Variants in ZC3H13 observed in about 807,000 individuals in gnomAD.
The protein encoded by ZC3H13 is zinc finger CCCH-type containing 13, also known as zinc finger CCCH domain-containing protein 13.
A neutral mutation model predicts 204.1 loss-of-function variants in ZC3H13; 64 were observed. The observed-to-expected ratio is 0.31, with a 90% CI of 0.26 to 0.39. The LOEUF is 0.39. Ranked by LOEUF, ZC3H13 falls within the 10% of genes least tolerant of loss-of-function variation. ZC3H13 has a pLI of 1.00. For synonymous variants in ZC3H13, 667 were observed against 693.7 expected, an observed-to-expected ratio of 0.96 and a Z score of 0.60; for missense variants, 1,833 against 2,082.7, an observed-to-expected ratio of 0.88 and a Z score of 2.33.
intron 1 of ZC3H13, among the ~76,000 whole-genome samples, chr13:46,048,463 C>A (rs2044147666): frequency 6.6e-6 from 1 of 151,774 alleles, no homozygotes. Flanking sequence ...CGCCTGTAGT[C>A]CCAGCTACTC....
chr13:46,042,345 A>G (rs1184413027), intron 3 of ZC3H13, 70 bp from the exon 4 acceptor site: 2 of 958,024 alleles, frequency 2.1e-6, no homozygotes, highest in East Asian at 2.7e-5. Flanking sequence ...TTATATATTA[A>G]TAACATTTTA....
chr13:45,960,995 A>C (rs564352768), intron 17 of ZC3H13, among the ~76,000 whole-genome samples: 11 of 152,200 alleles, frequency 7.2e-5, no homozygotes, highest in Non-Finnish European at 8.8e-5. Context: ...AAAAGCCCGA[A>C]ACTAGTTCTC....
chr13:45,987,998 A>C (rs190436978), intron 9 of ZC3H13, among the ~76,000 whole-genome samples: 4 of 152,338 alleles, frequency 2.6e-5, no homozygotes, highest in Non-Finnish European at 5.9e-5. Context: ...TGCTTCGCTT[A>C]CTTCTTTATT....
intron 10 of ZC3H13, 124 bp downstream of exon 10, chr13:45,985,173 T>G (rs1440559637): frequency 1.9e-6 from 2 of 1,054,622 alleles, no homozygotes; most frequent in Non-Finnish European, 2.7e-6. Context: ...AGACTACAAG[T>G]TCAATTAATT....
At position 45,967,803 on chromosome 13, in the gene ZC3H13, C is replaced by T. The variant is rs766882404; in HGVS notation, c.4022G>A (p.Arg1341Gln). The part of the protein sequence containing the change: ...WPRNRDRDRL[R>Q]ERERERERDK... The stretch of plus-strand genomic sequence containing the variant: ...TCGTTCTCTCTCTCGTTCTCGTTCT[C>T]GCAATCTATCTCGATCCCTGTTGCG... Residue 1341 changes from arginine (R) to glutamine (Q), a missense_variant, in exon 15 of 19, where the codon CGA becomes CAA. Physicochemically the swap from Arg to Gln is conservative, Grantham distance 43. This residue lies in a region of ZC3H13 where 1,574 missense variants were observed against 1,757.2 expected (regional missense o/e 0.90). Coordinates refer to ENST00000679008, the MANE Select transcript of ZC3H13 (RefSeq NM_001330564.2). 1.8e-5 allele frequency: 29 copies of T among 1,612,860 alleles called. No homozygotes were observed. The highest frequency in any genetic ancestry group is 5.5e-5 in the South Asian group (5 of 91,006).
At chr13:45,998,776 T>C (rs1593603619) in intron 8 of ZC3H13, among the ~76,000 whole-genome samples, 1 of 152,224 alleles carries the variant, frequency 6.6e-6, no homozygotes, top group African/African-American at 2.4e-5. Flanking sequence ...TTGATGCTGA[T>C]GGCTGTTGAC....
intron 8 of ZC3H13, among the ~76,000 whole-genome samples, chr13:46,002,776 G>A (rs532155091): frequency 6.6e-6 from 1 of 152,264 alleles, no homozygotes; most frequent in African/African-American, 2.4e-5. Context: ...AAGGTGGAAA[G>A]GGGGAGTTAT....
chr13:46,017,308 C>A (rs2041970154), intron 5 of ZC3H13, among the ~76,000 whole-genome samples: 1 of 152,080 alleles, frequency 6.6e-6, no homozygotes, highest in East Asian at 1.9e-4. Context: ...CAGACTATTT[C>A]TATAACACTA....
In ZC3H13 at chr13:45,969,054, G is replaced by C; in HGVS notation, c.3490C>G (p.Arg1164Gly). 1.2e-6 allele frequency: 2 copies of C among 1,614,118 alleles called. No individual in the cohort carries two copies. Among genetic ancestry groups the C allele is most frequent in the Non-Finnish European group, 8.5e-7 (1 of 1,180,014 alleles). Residue 1164 changes from arginine (R) to glycine (G), a missense_variant, in exon 14 of 19, where the codon CGA becomes GGA. Arg to Gly is a moderately radical substitution (Grantham distance 125). This residue lies in a region of ZC3H13 where 1,574 missense variants were observed against 1,757.2 expected (regional missense o/e 0.90). Coordinates refer to ENST00000679008, the MANE Select transcript of ZC3H13 (RefSeq NM_001330564.2). ...EDSHRKCHRTRVEKVETPHVT... is the reference protein window; with the variant it reads ...EDSHRKCHRTGVEKVETPHVT... ...TGAGGCGTCTCTACTTTTTCTACTC[G>C]TGTTCTGTGGCATTTTCTGTGTGAG...
intron 4 of ZC3H13, among the ~76,000 whole-genome samples, chr13:46,032,868 T>C (rs532884314): frequency 6.6e-6 from 1 of 152,162 alleles, no homozygotes; most frequent in East Asian, 1.9e-4. Flanking sequence ...TCTGGTACAG[T>C]GTTAAGTTAA....
rs1247763331 is a variant in ZC3H13, at chr13:45,985,657, C to T, written c.1360G>A (p.Asp454Asn). The change falls in exon 10 of 19, where the codon GAT (aspartate) becomes AAT (asparagine). Residue 454 changes from aspartate (D) to asparagine (N), a missense_variant. Physicochemically the swap from Asp to Asn is conservative, Grantham distance 23. Around this residue, in one of 5 missense-constraint regions of ZC3H13, gnomAD observed 1,574 missense variants for 1,757.2 expected, o/e 0.90. Coordinates refer to ENST00000679008, the MANE Select transcript of ZC3H13 (RefSeq NM_001330564.2). ...RDHRDDREPR[D>N]GRDRRDARDT... ...CTGGCATCTCTCCGATCCCGACCATCTCGAGGTTCTCTGTCATCTCTGTGG... is the reference window on the plus strand; with the variant it reads ...CTGGCATCTCTCCGATCCCGACCATTTCGAGGTTCTCTGTCATCTCTGTGG... The T allele has an allele frequency of 1.2e-6, 2 of 1,614,054 alleles. No homozygotes were observed. Among genetic ancestry groups the T allele is most frequent in the Non-Finnish European group, 1.7e-6 (2 of 1,180,026 alleles).
chr13:46,020,769 AAAC>A (rs1198361569), intron 4 of ZC3H13, among the ~76,000 whole-genome samples: 1 of 152,108 alleles, frequency 6.6e-6, no homozygotes, highest in East Asian at 1.9e-4. Context: ...TAAAGAACAA[AAAC>A]TACTAAACAA....
Position 45,975,558 on chromosome 13 carries a change from T to G in ZC3H13, c.2193A>C (p.Arg731=). ...KERDRERDRD[R]DHDRERERER... ...CTCTTTCCCGCTCTCGATCGTGGTC[T>G]CGGTCTCTATCCCTTTCACGATCTC... Residue 731 remains arginine (R), a synonymous_variant, in exon 12 of 19, where the codon CGA becomes CGC. Coordinates refer to ENST00000679008, the MANE Select transcript of ZC3H13 (RefSeq NM_001330564.2). The G allele has an allele frequency of 1.3e-6, 2 of 1,583,362 alleles. No homozygotes were observed. Among genetic ancestry groups the G allele is most frequent in the Non-Finnish European group, 1.7e-6 (2 of 1,164,734 alleles).
intron 8 of ZC3H13, among the ~76,000 whole-genome samples, chr13:45,997,731 C>G (rs964991410): frequency 3.3e-5 from 5 of 151,934 alleles, no homozygotes; most frequent in Non-Finnish European, 7.4e-5. Flanking sequence ...GTATGCACAC[C>G]TATGCCATGT....
chr13:45,989,777 C>A (rs1566222813), intron 8 of ZC3H13, among the ~76,000 whole-genome samples: 1 of 136,414 alleles, frequency 7.3e-6, no homozygotes, highest in Non-Finnish European at 1.6e-5. Context: ...CAACACATAA[C>A]CTCATGAAAC....
chr13:46,019,495 T>C (rs1423447014), intron 5 of ZC3H13, among the ~76,000 whole-genome samples: 2 of 152,156 alleles, frequency 1.3e-5, no homozygotes, highest in African/African-American at 4.8e-5. Flanking sequence ...AACAAAGCTA[T>C]TGAAATAATA....
intron 4 of ZC3H13, among the ~76,000 whole-genome samples, chr13:46,038,298 C>A (rs1236934968): frequency 6.6e-6 from 1 of 152,206 alleles, no homozygotes; most frequent in Non-Finnish European, 1.5e-5. Flanking sequence ...CCCTCTGACA[C>A]CGCGTCGATC....
Position 46,045,040 on chromosome 13 carries a change from T to C in ZC3H13, c.142A>G (p.Thr48Ala), listed in dbSNP as rs200518142. 118 of 1,613,572 alleles carry C rather than the reference T, an allele frequency of 7.3e-5. No homozygotes were observed. Among genetic ancestry groups the C allele is most frequent in the Middle Eastern group, 6.6e-4 (4 of 6,058 alleles). The change falls in exon 3 of 19, where the codon ACT becomes GCT. Residue 48 changes from threonine to alanine, a missense_variant. Physicochemically the swap from Thr to Ala is moderately conservative, Grantham distance 58 (BLOSUM62 0). Coordinates refer to ENST00000679008, the MANE Select transcript of ZC3H13 (RefSeq NM_001330564.2). ...GTGTTTCCATAGAGGCAGTTGCCAG[T>C]CTTCAGCCAGTTACGGCACTGTGTC... is the stretch of plus-strand genomic sequence containing the variant. ...AETQCRNWLK[T>A]GNCLYGNTCR...
At chr13:45,990,042 T>A (rs746371055) in intron 8 of ZC3H13, among the ~76,000 whole-genome samples, 36 of 152,344 alleles carry the variant, frequency 2.4e-4, no homozygotes, top group Middle Eastern at 3.4e-3. Flanking sequence ...TTTTAGTATG[T>A]GCAGTGATGG....
Sources: allele counts gnomAD v4.1 joint callset (sites outside exome capture counted in the v4.1 genomes callset), GRCh38; gene constraint gnomAD v4.1.1; regional missense constraint gnomAD v4.1.1; transcripts MANE v1.5; gene names NCBI Gene and HGNC (gene_info 2026-07-23, HGNC 2026-07-21).